The following PRKAG2 variants were observed in gnomAD, a reference collection of about 807,000 sequenced individuals.
PRKAG2 encodes 5'-AMP-activated protein kinase subunit gamma-2.
A neutral mutation model predicts 69.6 loss-of-function variants in PRKAG2; 26 were observed. The observed-to-expected ratio is 0.37, with a 90% CI of 0.27 to 0.52. The LOEUF is 0.52. Among genes scored for constraint, PRKAG2 ranks in the 20% least tolerant of loss-of-function variants. PRKAG2 has a pLI of 0.90. For synonymous variants in PRKAG2, 293 were observed against 285.0 expected (o/e 1.03, Z -0.28); for missense variants, 557 against 740.0 (o/e 0.75, Z 2.87).
intron 5 of PRKAG2, among the ~76,000 whole-genome samples, chr7:151,603,131 T>C (rs1057208916): frequency 6.6e-6 from 1 of 151,128 alleles, no homozygotes; most frequent in African/African-American, 2.4e-5. Context: ...ACACGCTCCA[T>C]ACTCACCGCA....
At chr7:151,758,552 A>G (rs984524995) in intron 3 of PRKAG2, among the ~76,000 whole-genome samples, 1 of 152,228 alleles carries the variant, frequency 6.6e-6, no homozygotes, top group African/African-American at 2.4e-5. Flanking sequence ...GGGAGCCCAC[A>G]GAAAGGAAAA....
chr7:151,800,260 A>C (rs967969427), intron 1 of PRKAG2, among the ~76,000 whole-genome samples: 1 of 151,018 alleles, frequency 6.6e-6, no homozygotes, highest in African/African-American at 2.4e-5. Context: ...CGGGAGGCTG[A>C]GGCAGGAGAA....
In PRKAG2 at chr7:151,849,357, G is replaced by A. The variant is rs113285624; in HGVS notation, c.114+27150C>T. ...CCTTCCCTTCCGCAGGAGTCCAAGC[G>A]ATGTCAGGATGATGGTGGGGAAGTT... On this transcript the variant is annotated intron_variant, in intron 1 of 15. Coordinates refer to ENST00000287878, the MANE Select transcript of PRKAG2 (RefSeq NM_016203.4). Among the ~76,000 whole-genome samples, 300 of 152,326 alleles carry A rather than the reference G, an allele frequency of 2.0e-3. 1 individual carries two copies. The highest frequency in any genetic ancestry group is 6.7e-3 in the African/African-American group (280 of 41,584).
At chr7:151,856,875 A>C (rs758812499) in intron 1 of PRKAG2, among the ~76,000 whole-genome samples, 1 of 152,190 alleles carries the variant, frequency 6.6e-6, no homozygotes, top group African/African-American at 2.4e-5. Context: ...GAGAAGATAC[A>C]GGACAGCAGG....
At chr7:151,844,635 G>A (rs1254540185) in intron 1 of PRKAG2, among the ~76,000 whole-genome samples, 1 of 152,146 alleles carries the variant, frequency 6.6e-6, no homozygotes, top group Non-Finnish European at 1.5e-5. Context: ...ATGCAAACAC[G>A]AGTTATTATT....
chr7:151,710,747 G>A (rs1795165309), intron 3 of PRKAG2, among the ~76,000 whole-genome samples: 1 of 152,206 alleles, frequency 6.6e-6, no homozygotes, highest in Admixed American at 6.5e-5. Context: ...ACATGGAGAT[G>A]TCATGACATC....
chr7:151,672,292 G>A (rs912381126), intron 4 of PRKAG2, among the ~76,000 whole-genome samples: 32 of 151,406 alleles, frequency 2.1e-4, no homozygotes, highest in Admixed American at 5.3e-4. Context: ...TAGGAGAGAC[G>A]GGGCTTCACC....
At chr7:151,593,679 G>A (rs577738347) in intron 6 of PRKAG2, among the ~76,000 whole-genome samples, 16 of 152,230 alleles carry the variant, frequency 1.1e-4, no homozygotes, top group African/African-American at 3.4e-4. Flanking sequence ...TCTCGAGACC[G>A]CATCTCTTAA....
At chr7:151,710,140 G>A (rs1326059430) in intron 3 of PRKAG2, among the ~76,000 whole-genome samples, 3 of 152,122 alleles carry the variant, frequency 2.0e-5, no homozygotes, top group Non-Finnish European at 4.4e-5. Context: ...TTTGGGAGCC[G>A]CCTCTCCCCT....
intron 1 of PRKAG2, among the ~76,000 whole-genome samples, chr7:151,808,831 G>A (rs2078262764): frequency 6.6e-6 from 1 of 152,180 alleles, no homozygotes; most frequent in African/African-American, 2.4e-5. Context: ...TGCAAGTCCT[G>A]CAGTCTGTGA....
In PRKAG2 at chr7:151,583,421, T is replaced by C. The variant is rs1810940534; in HGVS notation, c.865-6969A>G. On this transcript the variant is annotated intron_variant, in intron 6 of 15. Coordinates refer to ENST00000287878, the MANE Select transcript of PRKAG2 (RefSeq NM_016203.4). This position sits in a 1 kb window ranked among gnomAD's most constrained non-coding sequence, Gnocchi z 4.1. ...CCAAACGGACATGATACTCGTACAA[T>C]GCATTAAAGAGCAGTGTCCTGGGTG... is the stretch of plus-strand genomic sequence containing the variant. Among the ~76,000 whole-genome samples the C allele has an allele frequency of 6.6e-6, 1 of 152,202 alleles. No individual in the cohort carries two copies. Among genetic ancestry groups the C allele is most frequent in the African/African-American group, 2.4e-5 (1 of 41,444 alleles).
At chr7:151,871,685 G>A (rs1467836638) in intron 1 of PRKAG2, among the ~76,000 whole-genome samples, 1 of 152,222 alleles carries the variant, frequency 6.6e-6, no homozygotes, top group Non-Finnish European at 1.5e-5. Context: ...GCCCTAGGCT[G>A]TCCCCTAAAA....
At chr7:151,862,151 G>A (rs2079945475) in intron 1 of PRKAG2, among the ~76,000 whole-genome samples, 1 of 152,006 alleles carries the variant, frequency 6.6e-6, no homozygotes, top group African/African-American at 2.4e-5. Context: ...CCAGGCAGAG[G>A]ACCATCCCGC....
chr7:151,571,656 G>A (rs1053729520), intron 9 of PRKAG2, among the ~76,000 whole-genome samples: 11 of 152,204 alleles, frequency 7.2e-5, no homozygotes, highest in Admixed American at 5.9e-4. Flanking sequence ...AGAAGCTGGT[G>A]TTACACAATC....
intron 4 of PRKAG2, among the ~76,000 whole-genome samples, chr7:151,647,358 A>G (rs1469897151): frequency 1.3e-5 from 2 of 152,226 alleles, no homozygotes; most frequent in Non-Finnish European, 2.9e-5. Flanking sequence ...TGGGTATTCA[A>G]TGAGATACAG....
intron 4 of PRKAG2, among the ~76,000 whole-genome samples, chr7:151,657,259 C>T (rs1019209483): frequency 1.3e-5 from 2 of 152,120 alleles, no homozygotes; most frequent in Non-Finnish European, 1.5e-5. Context: ...CAGCAAACAT[C>T]GCCTATGGAA....
intron 1 of PRKAG2, among the ~76,000 whole-genome samples, chr7:151,790,935 G>C (rs1283478065): frequency 6.6e-6 from 1 of 152,240 alleles, no homozygotes; most frequent in African/African-American, 2.4e-5. Context: ...TGCTAGCTCA[G>C]GCTGCCCGTG....
rs562380231 is a variant in PRKAG2, at chr7:151,657,420, C to T, written c.684+18000G>A. Reference sequence around the variant, plus strand: ...TGTCCACTGTGTGCCTGGTATAGGTCTTGGCTCAGGCTAGGTGGCAATAAA... The same window carrying T: ...TGTCCACTGTGTGCCTGGTATAGGTTTTGGCTCAGGCTAGGTGGCAATAAA... On this transcript the variant is annotated intron_variant, in intron 4 of 15. Transcript: ENST00000287878. 3.3e-5 allele frequency among the ~76,000 whole-genome samples: 5 copies of T among 152,210 alleles called. No individual in the cohort carries two copies. In the South Asian group the frequency reaches 1.0e-3, roughly 32 times the overall value.
rs571052591 is a variant in PRKAG2 at position 151,792,702 on chromosome 7, G to A, written c.115-6161C>T. 6.6e-5 allele frequency among the ~76,000 whole-genome samples: 10 copies of A among 152,366 alleles called. No homozygotes were observed. The East Asian group carries it at 1.7e-3, about 26-fold the overall frequency. On this transcript the variant is annotated intron_variant, in intron 1 of 15. Transcript: ENST00000287878. ...GGCCCACGATGGCCCCCACCTCAGG[G>A]CAAACTCGAGGTTTACAATATCAGG...
Sources: allele counts gnomAD v4.1 joint callset (sites outside exome capture counted in the v4.1 genomes callset), GRCh38; gene constraint gnomAD v4.1.1; non-coding constraint Gnocchi (gnomAD v3.1); transcripts MANE v1.5; gene names NCBI Gene and HGNC (gene_info 2026-07-23, HGNC 2026-07-21).